Variants in PEX1 observed in about 807,000 individuals in gnomAD.
PEX1 encodes peroxisomal biogenesis factor 1, also known as peroxisomal ATPase PEX1.
In PEX1, 97 loss-of-function variants were observed where a neutral mutation model predicts 152.5. The observed-to-expected ratio is 0.64, with a 90% CI of 0.54 to 0.75. The LOEUF (loss-of-function observed/expected upper bound fraction) is 0.75. Ranked by LOEUF, PEX1 falls within the 30% of genes least tolerant of loss-of-function variation. The pLI, the probability that PEX1 is intolerant of heterozygous loss-of-function variation, is 0.00. For synonymous variants in PEX1, 485 were observed against 531.6 expected, an observed-to-expected ratio of 0.91 and a Z score of 1.21; for missense variants, 1,357 against 1,516.3, an observed-to-expected ratio of 0.89 and a Z score of 1.74.
chr7:92,499,715 T>TA lies in PEX1; in HGVS notation c.2706dup (p.Ile903TyrfsTer17). 2 of 1,612,920 alleles carry TA rather than the reference T, an allele frequency of 1.2e-6. No individual in the cohort carries two copies. The highest frequency in any genetic ancestry group is 1.7e-6 in the Non-Finnish European group (2 of 1,178,976). On this transcript the variant is annotated frameshift_variant, in exon 16 of 24. Transcript: ENST00000248633. LOFTEE classifies it high-confidence loss of function. ...AGTAGACAACATACCTTGACACTTA[T>TA]AAAATTCATTCTACTCTCTCGTGCA...
At chr7:92,504,177 C>A (rs1200068446) in intron 12 of PEX1, among the ~76,000 whole-genome samples, 1 of 152,028 alleles carries the variant, frequency 6.6e-6, no homozygotes, top group Non-Finnish European at 1.5e-5. Context: ...CTACACTACT[C>A]TGTGTATACT....
At chr7:92,521,432 T>A (rs1236143740) in intron 2 of PEX1, among the ~76,000 whole-genome samples, 1 of 152,140 alleles carries the variant, frequency 6.6e-6, no homozygotes, top group African/African-American at 2.4e-5. Context: ...TTGTAGAATT[T>A]TTTATTTTTT....
intron 16 of PEX1, among the ~76,000 whole-genome samples, chr7:92,499,127 A>C (rs1791798937): frequency 1.3e-5 from 2 of 152,318 alleles, no homozygotes; most frequent in South Asian, 4.1e-4. Context: ...TGCTAGTGGG[A>C]ATGGTGCAGT....
rs1232449804 is a variant in PEX1, at chr7:92,501,611, G to C, written c.2479C>G (p.Arg827Gly). 1 of 1,613,664 alleles carries C rather than the reference G, an allele frequency of 6.2e-7. No homozygotes were observed. Among genetic ancestry groups the C allele is most frequent in the East Asian group, 2.2e-5 (1 of 44,876 alleles). Residue 827 changes from arginine to glycine, a missense_variant, in exon 15 of 24, where the codon CGA (arginine) becomes GGA (glycine). Transcript: ENST00000248633. ...CTAGGTTTATGCAGGTTGACACTTC[G>C]CAAAGACGCAGGAAGAAATCCGCGG... is the stretch of plus-strand genomic sequence containing the variant. ...ALRGFLPASL[R>G]SVNLHKPRDL...
At chr7:92,498,173 A>G (rs774684019) in intron 16 of PEX1, among the ~76,000 whole-genome samples, 5 of 152,112 alleles carry the variant, frequency 3.3e-5, no homozygotes, top group African/African-American at 7.2e-5. Flanking sequence ...AAACACGACA[A>G]AAGAGTAATT....
intron 6 of PEX1, among the ~76,000 whole-genome samples, chr7:92,513,194 A>G (rs1792559653): frequency 6.6e-6 from 1 of 152,228 alleles, no homozygotes; most frequent in Non-Finnish European, 1.5e-5. Context: ...AAAGTTAAAC[A>G]TAATTCCTAG....
At chr7:92,514,160 G>A (rs1004063289) in intron 5 of PEX1, among the ~76,000 whole-genome samples, 193 bp from the exon 6 acceptor site, 23 of 152,228 alleles carry the variant, frequency 1.5e-4, no homozygotes, top group African/African-American at 2.4e-4. Flanking sequence ...GCTAACAAAC[G>A]ACAGAAACTT....
At chr7:92,510,887 T>C (rs1792429276) in intron 8 of PEX1, 57 bp downstream of exon 8, 4 of 943,808 alleles carry the variant, frequency 4.2e-6, no homozygotes, top group Non-Finnish European at 1.7e-6. Context: ...TCATACTTTA[T>C]TATCAATCAT....
intron 19 of PEX1, 97 bp downstream of exon 19, chr7:92,494,195 TC>T: frequency 1.2e-6 from 1 of 869,110 alleles, no homozygotes; most frequent in East Asian, 2.6e-5. Flanking sequence ...AGAAAGCTGG[TC>T]TTCTAAGGAC....
At chr7:92,512,031 A>C (rs544994389) in intron 6 of PEX1, among the ~76,000 whole-genome samples, 2 of 152,356 alleles carry the variant, frequency 1.3e-5, no homozygotes, top group African/African-American at 4.8e-5. Flanking sequence ...AAAGACAGGA[A>C]AACAAATTCC....
rs1782545398 is a variant in PEX1, at chr7:92,518,198, GAAA to G, written c.412_414del (p.Phe138del). Reference sequence around the variant, plus strand: ...ACCCAAACAGGAAAAATGGCTTTTGGAAAAACTATTCGAATTTGATCTAGAAGA... The same window carrying G: ...ACCCAAACAGGAAAAATGGCTTTTGGAACTATTCGAATTTGATCTAGAAGA... On this transcript the variant is annotated inframe_deletion, in exon 4 of 24. Transcript: ENST00000248633. The G allele has an allele frequency of 6.2e-7, 1 of 1,613,690 alleles. No homozygotes were observed. Among genetic ancestry groups the G allele is most frequent in the Admixed American group, 1.7e-5 (1 of 59,986 alleles).
intron 23 of PEX1, among the ~76,000 whole-genome samples, chr7:92,488,999 G>C (rs1367952988): frequency 6.6e-6 from 1 of 152,170 alleles, no homozygotes; most frequent in Admixed American, 6.5e-5. Context: ...CTCCCAAAGA[G>C]CTGGGATTAC....
In PEX1 at chr7:92,517,830, T is replaced by C. The variant is rs770330509; in HGVS notation, c.685A>G (p.Asn229Asp). The change falls in exon 5 of 24, where the codon AAT (asparagine) becomes GAT (aspartate). Residue 229 changes from asparagine to aspartate, a missense_variant. Coordinates refer to ENST00000248633, the MANE Select transcript of PEX1 (RefSeq NM_000466.3). ...ACTGGAATCTCTGACTCGTTTTCAT[T>C]AGATTCAGTGATTCCCACAGTATTT... ...QSNTVGITES[N>D]ENESEIPVDS... 3 of 1,546,652 alleles carry C rather than the reference T, an allele frequency of 1.9e-6. No homozygotes were observed. Among genetic ancestry groups the C allele is most frequent in the South Asian group, 2.6e-5 (2 of 77,164 alleles).
chr7:92,499,646 T>C, intron 16 of PEX1, 58 bp downstream of exon 16: 1 of 1,404,902 alleles, frequency 7.1e-7, no homozygotes, highest in South Asian at 1.2e-5. Context: ...TTGAAATGGC[T>C]AACTGCATTT....
At chr7:92,497,913 C>CA (rs1309079857) in intron 16 of PEX1, among the ~76,000 whole-genome samples, 1 of 150,992 alleles carries the variant, frequency 6.6e-6, no homozygotes, top group East Asian at 2.0e-4. Context: ...ACTAAAAATA[C>CA]AAAAATTCAC....
At chr7:92,493,154 CAAATA>C in intron 19 of PEX1, 25 bp from the exon 20 acceptor site, 1 of 1,328,796 alleles carries the variant, frequency 7.5e-7, no homozygotes, top group Non-Finnish European at 1.1e-6. Context: ...ATTTATTTAA[CAAATA>C]AAAAATAAAA....
intron 5 of PEX1, among the ~76,000 whole-genome samples, chr7:92,516,095 G>GAAAAGAAAAGAAAAGAAAAGA (rs1554374939): frequency 6.6e-6 from 1 of 151,506 alleles, no homozygotes; most frequent in African/African-American, 2.4e-5. Context: ...GAAAAGAAAA[G>GAAAAGAAAAGAAAAGAAAAGA]AAAAGAAAAG....
At chr7:92,513,646 T>C (rs180867245) in intron 6 of PEX1, among the ~76,000 whole-genome samples, 13 of 152,278 alleles carry the variant, frequency 8.5e-5, no homozygotes, top group Non-Finnish European at 1.6e-4. Context: ...GGTTGTACAA[T>C]ATTATGAATG....
intron 5 of PEX1, among the ~76,000 whole-genome samples, chr7:92,514,777 C>A (rs1287118521): frequency 6.6e-6 from 1 of 152,064 alleles, no homozygotes; most frequent in Non-Finnish European, 1.5e-5. Context: ...CTCAGCCGGG[C>A]GCAGTGGCTC....
Sources: gnomAD v4.1 joint callset for allele counts (sites outside exome capture counted in the v4.1 genomes callset) on GRCh38, gnomAD v4.1.1 for gene constraint, MANE v1.5 for transcripts, NCBI Gene and HGNC (gene_info 2026-07-23, HGNC 2026-07-21) for gene names.